Variants in RETSAT observed in about 807,000 individuals in gnomAD.
The protein encoded by RETSAT is retinol saturase, also known as all-trans-retinol 13,14-reductase.
Under a neutral mutation model 61.6 loss-of-function variants are expected in RETSAT, and 35 were observed. That is an observed-to-expected ratio of 0.57 (90% CI 0.43 to 0.75). The LOEUF is 0.75. Among genes scored for constraint, RETSAT ranks in the 30% least tolerant of loss-of-function variants. The pLI, the probability that RETSAT is intolerant of heterozygous loss-of-function variation, is 0.00. For synonymous variants in RETSAT, 277 were observed against 310.4 expected, an observed-to-expected ratio of 0.89 and a Z score of 1.13; for missense variants, 670 against 759.5, an observed-to-expected ratio of 0.88 and a Z score of 1.38.
At chr2:85,353,093 G>A (rs188475744) in intron 1 of RETSAT, among the ~76,000 whole-genome samples, 185 of 152,310 alleles carry the variant, frequency 1.2e-3, no homozygotes, top group African/African-American at 4.3e-3. Context: ...TGAAACAAGT[G>A]TCACAATGCA....
At chr2:85,347,898 T>A (rs997400562) in intron 5 of RETSAT, among the ~76,000 whole-genome samples, 28 of 152,116 alleles carry the variant, frequency 1.8e-4, no homozygotes, top group Non-Finnish European at 3.8e-4. Flanking sequence ...GATGGCCTTT[T>A]CTCCTTCATT....
chr2:85,349,506 G>C lies in RETSAT; in HGVS notation c.875C>G (p.Pro292Arg), dbSNP rs761893901. The change falls in exon 5 of 11, where the codon CCC becomes CGC. Residue 292 changes from proline (P) to arginine (R), a missense_variant. Physicochemically the swap from Pro to Arg is moderately radical, Grantham distance 103 (BLOSUM62 -2). Coordinates refer to ENST00000295802, the MANE Select transcript of RETSAT (RefSeq NM_017750.4). ...GGCAATTTCACTGGAACCCCCTCGGGGATAAAAGCCTCCTTTCATGTAGTG... is the reference window on the plus strand; with the variant it reads ...GGCAATTTCACTGGAACCCCCTCGGCGATAAAAGCCTCCTTTCATGTAGTG... Reference protein sequence around the residue: ...VNHYMKGGFYPRGGSSEIAFH... With the variant: ...VNHYMKGGFYRRGGSSEIAFH... The C allele has an allele frequency of 1.2e-6, 2 of 1,614,050 alleles. No individual in the cohort carries two copies. The highest frequency in any genetic ancestry group is 1.7e-6 in the Non-Finnish European group (2 of 1,180,034).
At chr2:85,352,658 A>C (rs1683319896) in intron 1 of RETSAT, among the ~76,000 whole-genome samples, 1 of 152,210 alleles carries the variant, frequency 6.6e-6, no homozygotes. Flanking sequence ...CTGGGATTAC[A>C]GGCATGAGCC....
In RETSAT at chr2:85,347,324, G is replaced by A. The variant is rs140285812; in HGVS notation, c.998-1230C>T. 2.6e-3 allele frequency among the ~76,000 whole-genome samples: 396 copies of A among 152,196 alleles called. 1 individual carries two copies. The highest frequency in any genetic ancestry group is 8.8e-3 in the African/African-American group (367 of 41,528). On this transcript the variant is annotated intron_variant, in intron 5 of 10. Coordinates refer to ENST00000295802, the MANE Select transcript of RETSAT (RefSeq NM_017750.4). ...AGCTCACTGCAACCTCCGCCTCCCA[G>A]GTTCAAGCAATTCTCCTATCCTGGC...
intron 5 of RETSAT, 116 bp downstream of exon 5, chr2:85,349,268 C>A: frequency 3.2e-6 from 3 of 936,012 alleles, no homozygotes; most frequent in Non-Finnish European, 5.0e-6. Flanking sequence ...CAGATTCTCA[C>A]CTTTAGCCTC....
chr2:85,354,468 G>A lies in RETSAT; in HGVS notation c.40C>T (p.Leu14=), dbSNP rs548069630. The A allele has an allele frequency of 2.5e-5, 40 of 1,613,876 alleles. No homozygotes were observed. In the East Asian group the frequency reaches 7.4e-4, roughly 30 times the overall value. ...AAGTAAACTTTGCAGAGGACGGCCA[G>A]CAGCAGCACAGCCAGGAGCAGCACC... ...PLVLLLAVLL[L]AVLCKVYLGL... The change falls in exon 1 of 11, where the codon CTG becomes TTG. Residue 14 remains leucine (L), a synonymous_variant. Transcript: ENST00000295802.
At chr2:85,350,009 A>C (rs1334784378) in intron 4 of RETSAT, 31 bp downstream of exon 4, 3 of 1,597,686 alleles carry the variant, frequency 1.9e-6, no homozygotes, top group African/African-American at 2.7e-5. Context: ...CCTCCTCCAG[A>C]AGCTGCCCAG....
intron 2 of RETSAT, 89 bp downstream of exon 2, chr2:85,351,591 C>T (rs1009165767): frequency 1.5e-6 from 2 of 1,314,564 alleles, no homozygotes; most frequent in African/African-American, 3.0e-5. Flanking sequence ...TCCAAAACAA[C>T]AGAAATGCTC....
At chr2:85,347,005 C>A (rs76603094) in intron 5 of RETSAT, among the ~76,000 whole-genome samples, 1 of 152,120 alleles carries the variant, frequency 6.6e-6, no homozygotes, top group Non-Finnish European at 1.5e-5. Context: ...ATTGTTCGAC[C>A]TAATACTTCT....
At chr2:85,352,313 C>T (rs763365253) in intron 1 of RETSAT, among the ~76,000 whole-genome samples, 5 of 151,920 alleles carry the variant, frequency 3.3e-5, no homozygotes, top group Non-Finnish European at 5.9e-5. Flanking sequence ...GCGCAATCTC[C>T]GCTTACTGCA....
In RETSAT at chr2:85,342,236, C is replaced by G. The variant is rs1170763550; in HGVS notation, c.*1006G>C. On this transcript the variant is annotated 3_prime_UTR_variant, in exon 11 of 11. Transcript: ENST00000295802. Reference sequence around the variant, plus strand: ...AGCTTGCATTCACCTACCTGTCTAACCCTCACATGTGCTAATTAACTGCAA... The same window carrying G: ...AGCTTGCATTCACCTACCTGTCTAAGCCTCACATGTGCTAATTAACTGCAA... 1 of 188,314 alleles carries G rather than the reference C, an allele frequency of 5.3e-6. No individual in the cohort carries two copies. Among genetic ancestry groups the G allele is most frequent in the Non-Finnish European group, 1.1e-5 (1 of 90,232 alleles). The allele number at this position is 188,314 out of a possible 1,614,324, so 11.7% of individuals were successfully genotyped here. A position where few individuals can be genotyped will look rare whatever the true frequency, so the allele number is the denominator to read the frequency against.
rs1281276985 is a variant in RETSAT, at chr2:85,354,502, C to A, written c.6G>T (p.Trp2Cys). The A allele has an allele frequency of 1.9e-6, 3 of 1,607,782 alleles. No individual in the cohort carries two copies. Among genetic ancestry groups the A allele is most frequent in the Middle Eastern group, 1.7e-4 (1 of 6,014 alleles). ...CAGCCAGGAGCAGCACCAGCGGAAG[C>A]CACATCACGCCGGCGTCGGGTCGGG... The part of the protein sequence containing the change: M[W>C]LPLVLLLAVL... Residue 2 changes from tryptophan to cysteine, a missense_variant, in exon 1 of 11, where the codon TGG (tryptophan) becomes TGT (cysteine). Physicochemically the swap from Trp to Cys is radical, Grantham distance 215. Transcript: ENST00000295802.
In RETSAT at chr2:85,350,189, G is replaced by A. The variant is rs772310736; in HGVS notation, c.650C>T (p.Pro217Leu). ...ACACCTGTCGAGGAGCTGAACCACG[G>A]GCAATGGGAGGAATTTCAACAGGAT... Reference protein sequence around the residue: ...HAILLKFLPLPVVQLLDRCGL... With the variant: ...HAILLKFLPLLVVQLLDRCGL... Residue 217 changes from proline to leucine, a missense_variant, in exon 4 of 11, where the codon CCC (proline) becomes CTC (leucine). Coordinates refer to ENST00000295802, the MANE Select transcript of RETSAT (RefSeq NM_017750.4). The A allele has an allele frequency of 1.9e-6, 3 of 1,613,938 alleles. No individual in the cohort carries two copies. The highest frequency in any genetic ancestry group is 3.3e-5 in the Admixed American group (2 of 59,996).
At chr2:85,351,908 G>C (rs1282723158) in intron 1 of RETSAT, 46 bp from the exon 2 acceptor site, 24 of 1,578,520 alleles carry the variant, frequency 1.5e-5, no homozygotes, top group Non-Finnish European at 2.0e-5. Flanking sequence ...CAGGGGCAGG[G>C]AAATAGCAAA....
intron 1 of RETSAT, among the ~76,000 whole-genome samples, chr2:85,353,663 G>T (rs1334180765): frequency 1.3e-5 from 2 of 152,210 alleles, no homozygotes; most frequent in African/African-American, 4.8e-5. Context: ...GTCTCCGATT[G>T]TGTAGCAAGA....
intron 5 of RETSAT, among the ~76,000 whole-genome samples, chr2:85,347,649 T>G (rs1316931959): frequency 6.6e-6 from 1 of 152,282 alleles, no homozygotes; most frequent in African/African-American, 2.4e-5. Flanking sequence ...ATTACAGGCA[T>G]GAGCCACTGC....
In RETSAT at chr2:85,349,439, G is replaced by T. The variant is rs761842652; in HGVS notation, c.942C>A (p.Val314=). ...IPVIQRAGGA[V]LTKATVQSVL... Reference sequence around the variant, plus strand: ...CACTCTGCACAGTGGCCTTTGTGAGGACAGCGCCCCCAGCCCGCTGAATCA... The same window carrying T: ...CACTCTGCACAGTGGCCTTTGTGAGTACAGCGCCCCCAGCCCGCTGAATCA... Residue 314 remains valine, a synonymous_variant, in exon 5 of 11, where the codon GTC becomes GTA. Coordinates refer to ENST00000295802, the MANE Select transcript of RETSAT (RefSeq NM_017750.4). The T allele has an allele frequency of 1.2e-6, 2 of 1,614,200 alleles. No individual in the cohort carries two copies. Among genetic ancestry groups the T allele is most frequent in the South Asian group, 1.1e-5 (1 of 91,086 alleles).
chr2:85,349,399 C>T lies in RETSAT; in HGVS notation c.982G>A (p.Ala328Thr), dbSNP rs1323250197. ...GGGCTCTCACCACAGGCTTTCCCAGCTGAGTCCAGCAACACACTCTGCACA... is the reference window on the plus strand; with the variant it reads ...GGGCTCTCACCACAGGCTTTCCCAGTTGAGTCCAGCAACACACTCTGCACA... ...ATVQSVLLDS[A>T]GKACGVSVKK... The change falls in exon 5 of 11, where the codon GCT becomes ACT. Residue 328 changes from alanine (A) to threonine (T), a missense_variant. Ala to Thr is a moderately conservative substitution (Grantham distance 58, BLOSUM62 0). Coordinates refer to ENST00000295802, the MANE Select transcript of RETSAT (RefSeq NM_017750.4). 1 of 1,614,078 alleles carries T rather than the reference C, an allele frequency of 6.2e-7. No homozygotes were observed. The highest frequency in any genetic ancestry group is 8.5e-7 in the Non-Finnish European group (1 of 1,179,962).
In RETSAT at chr2:85,354,434, A is replaced by G. The variant is rs1225122007; in HGVS notation, c.74T>C (p.Phe25Ser). 1 of 1,614,192 alleles carries G rather than the reference A, an allele frequency of 6.2e-7. No homozygotes were observed. The highest frequency in any genetic ancestry group is 8.5e-7 in the Non-Finnish European group (1 of 1,180,032). The change falls in exon 1 of 11, where the codon TTC (phenylalanine) becomes TCC (serine). Residue 25 changes from phenylalanine to serine, a missense_variant. Phe to Ser is a radical substitution (Grantham distance 155, BLOSUM62 -2). Transcript: ENST00000295802. ...AVLCKVYLGLFSGSSPNPFSE... is the reference protein window; with the variant it reads ...AVLCKVYLGLSSGSSPNPFSE... ...GAAAGGATTCGGGGAGCTGCCAGAG[A>G]ATAGTCCCAAGTAAACTTTGCAGAG...
Sources: gnomAD v4.1 joint callset for allele counts (sites outside exome capture counted in the v4.1 genomes callset) on GRCh38, gnomAD v4.1.1 for gene constraint, MANE v1.5 for transcripts, NCBI Gene and HGNC (gene_info 2026-07-23, HGNC 2026-07-21) for gene names.